CSF2RA: variants seen among roughly 807,000 people sequenced by gnomAD.
CSF2RA encodes the protein granulocyte-macrophage colony-stimulating factor receptor subunit alpha.
CSF2RA carries 42 observed loss-of-function variants against 51.6 expected under a neutral mutation model. The observed-to-expected ratio is 0.81, with a 90% confidence interval of 0.64 to 1.05. CSF2RA has a LOEUF of 1.05. Among genes scored for constraint, CSF2RA ranks in the 50% least tolerant of loss-of-function variants. The pLI is 0.00. For synonymous variants in CSF2RA, 222 were observed against 193.0 expected (o/e 1.15, Z -1.24); for missense variants, 530 against 501.1 (o/e 1.06, Z -0.55).
intron 7 of CSF2RA, among the ~76,000 whole-genome samples, chrX:1,292,403 G>T (rs1337306775): frequency 6.6e-6 from 1 of 152,128 alleles, no homozygotes; most frequent in East Asian, 1.9e-4. Context: ...GAGCCCAGGG[G>T]ACCGGCGCTC....
chrX:1,279,863 C>T (rs2089668726), intron 2 of CSF2RA, among the ~76,000 whole-genome samples: 1 of 151,892 alleles, frequency 6.6e-6, no homozygotes, highest in South Asian at 2.1e-4. Context: ...GATCTCGGCT[C>T]ACTGCAGCCT....
chrX:1,275,031 C>A lies in CSF2RA; in HGVS notation c.-27+213C>A, dbSNP rs184497279. Among the ~76,000 whole-genome samples the A allele has an allele frequency of 6.1e-5, 9 of 147,110 alleles. No individual in the cohort carries two copies. The East Asian group carries it at 1.4e-3, about 23-fold the overall frequency. On this transcript the variant is annotated intron_variant, in intron 2 of 12. Coordinates refer to ENST00000381529, the MANE Select transcript of CSF2RA (RefSeq NM_172245.4). ...GACAGTACACATCCTCCTGAAGCAG[C>A]GTGACAAGGCACATCCTCCTGAAGG...
At chrX:1,287,588 T>C (rs750309396) in intron 4 of CSF2RA, among the ~76,000 whole-genome samples, 166 of 147,354 alleles carry the variant, frequency 1.1e-3, no homozygotes, top group Admixed American at 2.3e-3. Context: ...GGATTACAGG[T>C]GCCCACCACC....
rs190144821 is a variant in CSF2RA at position 1,288,843 on chromosome X, C to T, written c.428C>T (p.Thr143Met). ...AACTGTACCTGGGCGAGGGGTCCGA[C>T]GGCCCCCCGTGACGTCCAGTATTTT... ...LMNCTWARGP[T>M]APRDVQYFLY... The change falls in exon 6 of 13, where the codon ACG (threonine) becomes ATG (methionine). Residue 143 changes from threonine to methionine, a missense_variant. By Grantham distance (81) the Thr-to-Met change is moderately conservative. Transcript: ENST00000381529. The T allele has an allele frequency of 9.5e-5, 153 of 1,613,990 alleles. 1 individual carries two copies. The South Asian group carries it at 1.1e-3, about 11-fold the overall frequency.
chrX:1,292,741 C>T (rs1270359686), intron 7 of CSF2RA, among the ~76,000 whole-genome samples: 5 of 152,240 alleles, frequency 3.3e-5, no homozygotes, highest in East Asian at 1.9e-4. Context: ...AATGTACGAT[C>T]GGGTTTTACA....
intron 4 of CSF2RA, among the ~76,000 whole-genome samples, chrX:1,286,394 C>G (rs1427021917): frequency 4.6e-5 from 7 of 152,002 alleles, no homozygotes; most frequent in Non-Finnish European, 1.0e-4. Flanking sequence ...CATGGTGAAA[C>G]CCCATCTCTA....
Position 1,309,583 on chromosome X carries a change from TA to T in CSF2RA, c.*105del, listed in dbSNP as rs1569513730. ...ACCTTTATATCATTTTCTATGTTTT[TA>T]TTTAAAAACATGACATTTGGGGCCA... is the stretch of plus-strand genomic sequence containing the variant. On this transcript the variant is annotated 3_prime_UTR_variant, in exon 13 of 13. Transcript: ENST00000381529. 3 of 1,613,886 alleles carry T rather than the reference TA, an allele frequency of 1.9e-6. No individual in the cohort carries two copies. The Admixed American group carries it at 5.0e-5, about 27-fold the overall frequency.
At chrX:1,298,490 GT>G (rs2092131397) in intron 9 of CSF2RA, among the ~76,000 whole-genome samples, 2 of 104,410 alleles carry the variant, frequency 1.9e-5, no homozygotes, top group Non-Finnish European at 1.9e-5. Flanking sequence ...GACCCCTGGA[GT>G]AACCCTACAG....
intron 1 of CSF2RA, among the ~76,000 whole-genome samples, chrX:1,274,470 A>G: frequency 6.7e-6 from 1 of 148,186 alleles, no homozygotes; most frequent in Non-Finnish European, 1.5e-5. Context: ...GATTATAGGC[A>G]CCCACTACCG....
the CSF2RA span, among the ~76,000 whole-genome samples, chrX:1,315,810 G>C: frequency 1.3e-5 from 1 of 78,732 alleles, no homozygotes; most frequent in African/African-American, 3.9e-5. Context: ...TAGATAGATA[G>C]ATAGATAGAT....
At chrX:1,282,828 G>A (rs1269768744) in intron 3 of CSF2RA, 49 bp downstream of exon 3, 13 of 1,486,964 alleles carry the variant, frequency 8.7e-6, no homozygotes, top group Non-Finnish European at 1.1e-5. Context: ...CTGTTTAGAT[G>A]TCCTGCATCT....
At chrX:1,317,246 C>CCTT in the CSF2RA span, among the ~76,000 whole-genome samples, 24 of 57,836 alleles carry the variant, frequency 4.1e-4, no homozygotes, top group African/African-American at 1.8e-3. Flanking sequence ...CCACGCTCAG[C>CCTT]TTTTTTTTTT....
At chrX:1,292,235 G>A (rs2091477062) in intron 7 of CSF2RA, among the ~76,000 whole-genome samples, 2 of 152,094 alleles carry the variant, frequency 1.3e-5, no homozygotes, top group Admixed American at 1.3e-4. Flanking sequence ...ACATTTACGT[G>A]GACACAGTGT....
chrX:1,287,538 G>C (rs2090876048), intron 4 of CSF2RA, among the ~76,000 whole-genome samples: 2 of 149,006 alleles, frequency 1.3e-5, no homozygotes, highest in Non-Finnish European at 3.0e-5. Flanking sequence ...GTGCCTCCTG[G>C]GTTCAAGAGA....
intron 3 of CSF2RA, among the ~76,000 whole-genome samples, chrX:1,283,855 C>T (rs1282692439): frequency 3.3e-5 from 5 of 152,032 alleles, no homozygotes; most frequent in East Asian, 1.9e-4. Context: ...AGCTATGAGC[C>T]GCCACACCCA....
intron 2 of CSF2RA, 33 bp from the exon 3 acceptor site, chrX:1,282,645 C>A (rs754485493): frequency 2.0e-6 from 3 of 1,486,742 alleles, no homozygotes; most frequent in African/African-American, 1.4e-5. Flanking sequence ...GGAGAGGCAA[C>A]CTTCTCACTG....
the CSF2RA span, among the ~76,000 whole-genome samples, chrX:1,319,282 C>T: frequency 4.0e-5 from 6 of 149,334 alleles, 2 homozygotes; most frequent in Non-Finnish European, 8.9e-5. Context: ...AGACATGAGC[C>T]ACCATGCCCG....
intron 5 of CSF2RA, 25 bp downstream of exon 5, chrX:1,288,667 G>C: frequency 6.2e-7 from 1 of 1,613,928 alleles, no homozygotes; most frequent in Non-Finnish European, 8.5e-7. Context: ...TCAGGGATCC[G>C]TTTACAGCAC....
At chrX:1,289,652 GT>G (rs1388812373) in intron 6 of CSF2RA, among the ~76,000 whole-genome samples, 16 of 145,910 alleles carry the variant, frequency 1.1e-4, no homozygotes, top group African/African-American at 3.8e-4. Flanking sequence ...GTTTGTTTTT[GT>G]TTTGTTTTGT....
Sources: allele counts gnomAD v4.1 joint callset (sites outside exome capture counted in the v4.1 genomes callset), GRCh38; gene constraint gnomAD v4.1.1; transcripts MANE v1.5; gene names NCBI Gene and HGNC (gene_info 2026-07-23, HGNC 2026-07-21).